NADK2: variants seen among roughly 807,000 people sequenced by gnomAD.
NADK2 encodes the protein NAD kinase 2, mitochondrial.
NADK2 carries 35 observed loss-of-function variants against 62.1 expected under a neutral mutation model. The ratio of observed to expected loss-of-function variants is 0.56; its 90% CI spans 0.43 to 0.75. The LOEUF (loss-of-function observed/expected upper bound fraction) is 0.75, where lower values mean the gene tolerates loss of function less well. Among genes scored for constraint, NADK2 ranks in the 30% least tolerant of loss-of-function variants. NADK2 has a pLI of 0.00. For missense variants in NADK2, 439 were observed against 561.3 expected (o/e 0.78, Z 2.20); for synonymous variants, 205 against 207.9 (o/e 0.99, Z 0.12).
intron 8 of NADK2, among the ~76,000 whole-genome samples, chr5:36,201,449 C>A (rs530071490): frequency 4.4e-4 from 67 of 151,932 alleles, no homozygotes; most frequent in Middle Eastern, 6.8e-3. Context: ...ATACCTCCAT[C>A]TATAATACAC....
At chr5:36,228,428 T>C (rs985111527) in intron 1 of NADK2, among the ~76,000 whole-genome samples, 1 of 152,076 alleles carries the variant, frequency 6.6e-6, no homozygotes, top group Non-Finnish European at 1.5e-5. Flanking sequence ...CTTTCCCTTT[T>C]TCTTTTCTTT....
intron 6 of NADK2, among the ~76,000 whole-genome samples, chr5:36,215,425 TC>T (rs750113674): frequency 3.9e-5 from 6 of 152,220 alleles, no homozygotes; most frequent in Non-Finnish European, 5.9e-5. Context: ...CAAATATTTG[TC>T]ATTTGTGTTG....
chr5:36,217,756 T>C lies in NADK2; in HGVS notation c.773A>G (p.His258Arg), dbSNP rs766002424. The C allele has an allele frequency of 1.7e-5, 28 of 1,613,884 alleles. No individual in the cohort carries two copies. The highest frequency in any genetic ancestry group is 2.4e-5 in the Non-Finnish European group (28 of 1,179,838). The change falls in exon 6 of 12, where the codon CAT becomes CGT. Residue 258 changes from histidine to arginine, a missense_variant. Physicochemically the swap from His to Arg is conservative, Grantham distance 29 (BLOSUM62 0). Coordinates refer to ENST00000381937, the MANE Select transcript of NADK2 (RefSeq NM_001085411.3). ...HNRALNIERA[H>R]DERSEASGPQ... ...ATGCCCAATCCACCTACTTTCATCA[T>C]GAGCTCTTTCAATGTTAAGGGCTCT...
chr5:36,237,362 T>C (rs1418266135), intron 1 of NADK2, among the ~76,000 whole-genome samples: 4 of 152,096 alleles, frequency 2.6e-5, no homozygotes, highest in African/African-American at 9.7e-5. Flanking sequence ...ACATAATAGC[T>C]TAAATAGTAT....
intron 4 of NADK2, among the ~76,000 whole-genome samples, chr5:36,223,009 A>G (rs1337502643): frequency 6.6e-6 from 1 of 152,184 alleles, no homozygotes; most frequent in African/African-American, 2.4e-5. Flanking sequence ...ATAATAGGCA[A>G]TAAGGACAGA....
intron 8 of NADK2, among the ~76,000 whole-genome samples, chr5:36,204,881 A>T (rs1478001323): frequency 1.3e-5 from 2 of 152,042 alleles, no homozygotes; most frequent in Non-Finnish European, 2.9e-5. Flanking sequence ...GAAACTAGCT[A>T]ATGGTATGTG....
intron 1 of NADK2, among the ~76,000 whole-genome samples, chr5:36,240,117 T>C (rs1205284611): frequency 6.6e-6 from 1 of 152,210 alleles, no homozygotes; most frequent in Non-Finnish European, 1.5e-5. Context: ...TCTTAGAACA[T>C]TACTAGTCCC....
At chr5:36,201,514 C>A (rs1486067474) in intron 8 of NADK2, among the ~76,000 whole-genome samples, 1 of 151,770 alleles carries the variant, frequency 6.6e-6, no homozygotes, top group Non-Finnish European at 1.5e-5. Flanking sequence ...CAAAACAACT[C>A]AAATAGGTAC....
At chr5:36,206,879 A>G (rs1746661083) in intron 8 of NADK2, among the ~76,000 whole-genome samples, 1 of 152,106 alleles carries the variant, frequency 6.6e-6, no homozygotes, top group South Asian at 2.1e-4. Flanking sequence ...ATTTCCTTAC[A>G]GTTATTTAAA....
chr5:36,220,833 T>C (rs1747237732), intron 4 of NADK2, among the ~76,000 whole-genome samples: 2 of 152,190 alleles, frequency 1.3e-5, no homozygotes, highest in African/African-American at 2.4e-5. Context: ...CTCACTCACA[T>C]GGCTGGCAAA....
intron 7 of NADK2, chr5:36,208,618 AACTC>A (rs1264157094): frequency 1.3e-6 from 2 of 1,517,846 alleles, no homozygotes; most frequent in South Asian, 1.2e-5. Context: ...GCAGCAATAA[AACTC>A]ACAGTCCCTT....
chr5:36,239,480 CCA>C, intron 1 of NADK2, among the ~76,000 whole-genome samples: 1 of 152,274 alleles, frequency 6.6e-6, no homozygotes, highest in East Asian at 1.9e-4. Context: ...ATTCTACAGC[CCA>C]CGAGTTTTAC....
intron 1 of NADK2, among the ~76,000 whole-genome samples, chr5:36,235,371 G>T (rs1747863305): frequency 6.6e-6 from 1 of 152,086 alleles, no homozygotes; most frequent in African/African-American, 2.4e-5. Context: ...CATTATTGTG[G>T]CTAAACTGGA....
chr5:36,234,202 G>A (rs1488432594), intron 1 of NADK2, among the ~76,000 whole-genome samples: 1 of 151,144 alleles, frequency 6.6e-6, no homozygotes, highest in Non-Finnish European at 1.5e-5. Context: ...GTGAAACCCC[G>A]TCTCTACTAA....
intron 8 of NADK2, among the ~76,000 whole-genome samples, chr5:36,206,596 AAG>A (rs1746649733): frequency 6.6e-6 from 1 of 152,076 alleles, no homozygotes; most frequent in South Asian, 2.1e-4. Flanking sequence ...AGAACACAAA[AAG>A]AAAAACTGAA....
chr5:36,225,729 C>G (rs1239534500), intron 3 of NADK2, 106 bp from the exon 4 acceptor site: 2 of 872,328 alleles, frequency 2.3e-6, no homozygotes, highest in Non-Finnish European at 3.7e-6. Context: ...CCCCACCCTG[C>G]TAACCGCTAT....
Position 36,235,277 on chromosome 5 carries a change from A to C in NADK2, c.300+6222T>G, listed in dbSNP as rs571344549. Among the ~76,000 whole-genome samples the C allele has an allele frequency of 1.1e-3, 168 of 152,336 alleles. 1 individual carries two copies. The Middle Eastern group carries it at 0.017, about 15-fold the overall frequency. On this transcript the variant is annotated intron_variant, in intron 1 of 11. Coordinates refer to ENST00000381937, the MANE Select transcript of NADK2 (RefSeq NM_001085411.3). ...TTAGTTCACTTAAGTGATCTATCTT[A>C]GTAAAGGAATCTACTTTGGAGTTAA...
intron 7 of NADK2, chr5:36,208,654 TA>T (rs1162653188): frequency 6.5e-7 from 1 of 1,533,890 alleles, no homozygotes; most frequent in African/African-American, 1.4e-5. Context: ...TACTTCTTCT[TA>T]AATTGTCCAC....
At chr5:36,212,758 T>C (rs1036451942) in intron 6 of NADK2, among the ~76,000 whole-genome samples, 2 of 152,338 alleles carry the variant, frequency 1.3e-5, no homozygotes, top group East Asian at 1.9e-4. Context: ...TCCTCCACAA[T>C]TCCTACTAAG....
Sources: allele counts gnomAD v4.1 joint callset (sites outside exome capture counted in the v4.1 genomes callset), GRCh38; gene constraint gnomAD v4.1.1; transcripts MANE v1.5; gene names NCBI Gene and HGNC (gene_info 2026-07-23, HGNC 2026-07-21).